The following PTK7 variants were observed in gnomAD, a reference collection of about 807,000 sequenced individuals.
PTK7 encodes protein tyrosine kinase 7 (inactive).
A neutral mutation model predicts 116.6 loss-of-function variants in PTK7; 39 were observed. The ratio of observed to expected loss-of-function variants is 0.33; its 90% confidence interval spans 0.26 to 0.44. The LOEUF (loss-of-function observed/expected upper bound fraction) is 0.44, where lower values mean the gene tolerates loss of function less well. Among genes scored for constraint, PTK7 ranks in the 20% least tolerant of loss-of-function variants. The probability of loss-of-function intolerance (pLI) is 1.00; values close to 1 mark genes in which losing one functional copy is unlikely to be tolerated. For synonymous variants in PTK7, 546 were observed against 563.6 expected, an observed-to-expected ratio of 0.97 and a Z score of 0.44; for missense variants, 1,169 against 1,425.6, an observed-to-expected ratio of 0.82 and a Z score of 2.90.
chr6:43,128,588 C>T (rs1460744565), intron 1 of PTK7, among the ~76,000 whole-genome samples: 1 of 152,240 alleles, frequency 6.6e-6, no homozygotes, highest in East Asian at 1.9e-4. Flanking sequence ...GGTTCGAGAC[C>T]AGCCTGGCCA....
chr6:43,108,280 A>T (rs1056173731), intron 1 of PTK7, among the ~76,000 whole-genome samples: 48 of 151,388 alleles, frequency 3.2e-4, no homozygotes, highest in African/African-American at 1.1e-3. Context: ...TTTTTAGTAG[A>T]GACGGGGTTT....
intron 1 of PTK7, among the ~76,000 whole-genome samples, chr6:43,118,655 CTCTCTATATATATATA>C (rs1219245538): frequency 1.4e-3 from 97 of 70,372 alleles, no homozygotes; most frequent in African/African-American, 3.1e-3. Context: ...CTCTCTCTCT[CTCTCTATATATATATA>C]TATATATATA....
intron 1 of PTK7, among the ~76,000 whole-genome samples, chr6:43,125,423 AG>A (rs1769231040): frequency 6.6e-6 from 1 of 152,140 alleles, no homozygotes; most frequent in Admixed American, 6.5e-5. Context: ...GGGGTGGCCG[AG>A]GCTGAGCTGG....
intron 1 of PTK7, among the ~76,000 whole-genome samples, chr6:43,093,581 C>G (rs1435446005): frequency 1.3e-5 from 2 of 152,020 alleles, no homozygotes; most frequent in African/African-American, 4.8e-5. Flanking sequence ...GTTTTCTTCC[C>G]CAGCAGCACA....
At chr6:43,123,741 G>T (rs182797039) in intron 1 of PTK7, among the ~76,000 whole-genome samples, 40 of 152,302 alleles carry the variant, frequency 2.6e-4, no homozygotes, top group African/African-American at 9.1e-4. Context: ...TGGGGTCGGC[G>T]CCTGGTGTGG....
chr6:43,134,836 A>G (rs940490743), intron 7 of PTK7, among the ~76,000 whole-genome samples: 4 of 151,906 alleles, frequency 2.6e-5, no homozygotes, highest in East Asian at 1.9e-4. Context: ...TATAATCCCA[A>G]CTATTTGGGA....
In PTK7 at chr6:43,143,916, T is replaced by C. The variant is rs910041271; in HGVS notation, c.2251+296T>C. On this transcript the variant is annotated intron_variant, in intron 14 of 19. Coordinates refer to ENST00000230419, the MANE Select transcript of PTK7 (RefSeq NM_002821.5). The surrounding 1 kb of genome is among the most constrained non-coding windows in gnomAD (Gnocchi z 4.2). ...GATATCATTAGTATATGTACACACGTTGCTGTTGCATGTCTTGTCTCCCTC... is the reference window on the plus strand; with the variant it reads ...GATATCATTAGTATATGTACACACGCTGCTGTTGCATGTCTTGTCTCCCTC... 2.0e-5 allele frequency among the ~76,000 whole-genome samples: 3 copies of C among 152,224 alleles called. No homozygotes were observed. Among genetic ancestry groups the C allele is most frequent in the Non-Finnish European group, 4.4e-5 (3 of 68,036 alleles).
At position 43,160,760 on chromosome 6, in the gene PTK7, G is replaced by A. The variant is rs1329254879; in HGVS notation, c.3092G>A (p.Gly1031Asp). The change falls in exon 20 of 20, where the codon GGC becomes GAC. Residue 1031 changes from glycine to aspartate, a missense_variant. Gly to Asp is a moderately conservative substitution (Grantham distance 94, BLOSUM62 -1). Coordinates refer to ENST00000230419, the MANE Select transcript of PTK7 (RefSeq NM_002821.5). ...AAGGCTAGACTTCCTCAGCCCGAGGGCTGCCCTTCCAAACTCTATCGGCTG... is the reference window on the plus strand; with the variant it reads ...AAGGCTAGACTTCCTCAGCCCGAGGACTGCCCTTCCAAACTCTATCGGCTG... Reference protein sequence around the residue: ...AGKARLPQPEGCPSKLYRLMQ... With the variant: ...AGKARLPQPEDCPSKLYRLMQ... 3 of 1,614,080 alleles carry A rather than the reference G, an allele frequency of 1.9e-6. No individual in the cohort carries two copies. The African/African-American group carries it at 4.0e-5, about 22-fold the overall frequency.
At chr6:43,080,481 C>T (rs1490243173) in intron 1 of PTK7, among the ~76,000 whole-genome samples, 1 of 151,998 alleles carries the variant, frequency 6.6e-6, no homozygotes, top group Non-Finnish European at 1.5e-5. Flanking sequence ...TTATCTTCCC[C>T]CAGTGTTTTT....
At chr6:43,151,253 C>G (rs1229245060) in intron 17 of PTK7, among the ~76,000 whole-genome samples, 1 of 151,424 alleles carries the variant, frequency 6.6e-6, no homozygotes, top group African/African-American at 2.4e-5. Context: ...CTCTGTCGCC[C>G]AAGCTGGAGT....
intron 1 of PTK7, among the ~76,000 whole-genome samples, chr6:43,082,449 T>A (rs1766432473): frequency 6.6e-6 from 1 of 152,196 alleles, no homozygotes; most frequent in African/African-American, 2.4e-5. Flanking sequence ...GTGCTGGGAT[T>A]ACAGGCGTGA....
intron 19 of PTK7, among the ~76,000 whole-genome samples, 182 bp downstream of exon 19, chr6:43,160,148 C>T (rs1771763321): frequency 6.6e-6 from 1 of 152,224 alleles, no homozygotes; most frequent in Admixed American, 6.5e-5. Context: ...CGGAGTGTCG[C>T]CCTGTCGCCC....
chr6:43,126,987 C>G (rs1769330043), intron 1 of PTK7, among the ~76,000 whole-genome samples: 1 of 152,192 alleles, frequency 6.6e-6, no homozygotes, highest in African/African-American at 2.4e-5. Flanking sequence ...GGAGACGGAC[C>G]AACACCAGGG....
At chr6:43,095,410 A>C (rs1321576225) in intron 1 of PTK7, among the ~76,000 whole-genome samples, 1 of 152,052 alleles carries the variant, frequency 6.6e-6, no homozygotes, top group South Asian at 2.1e-4. Context: ...CAACAAAAAA[A>C]CCCACAGTAG....
At position 43,129,057 on chromosome 6, in the gene PTK7, G is replaced by A; in HGVS notation, c.160G>A (p.Glu54Lys). The change falls in exon 2 of 20, where the codon GAG becomes AAG. Residue 54 changes from glutamate to lysine, a missense_variant. Glu to Lys is a moderately conservative substitution (Grantham distance 56). Around this residue, in one of 3 missense-constraint regions of PTK7, gnomAD observed 487 missense variants for 549.8 expected, o/e 0.89. Transcript: ENST00000230419. This position sits in a 1 kb window ranked among gnomAD's most constrained non-coding sequence, Gnocchi z 4.5. ...LQGRRALLRC[E>K]VEAPGPVHVY... ...GGGGCGCCGGGCGCTGCTTCGCTGTGAGGTTGAGGCTCCGGGCCCGGTACA... is the reference window on the plus strand; with the variant it reads ...GGGGCGCCGGGCGCTGCTTCGCTGTAAGGTTGAGGCTCCGGGCCCGGTACA... The A allele has an allele frequency of 6.2e-7, 1 of 1,614,228 alleles. No individual in the cohort carries two copies. Among genetic ancestry groups the A allele is most frequent in the South Asian group, 1.1e-5 (1 of 91,084 alleles).
At chr6:43,100,311 A>T (rs939608220) in intron 1 of PTK7, among the ~76,000 whole-genome samples, 2 of 151,590 alleles carry the variant, frequency 1.3e-5, no homozygotes, top group African/African-American at 4.8e-5. Flanking sequence ...TGAACCCAGG[A>T]GGCGGAGCCT....
chr6:43,124,983 A>T (rs1284800771), intron 1 of PTK7, among the ~76,000 whole-genome samples: 3 of 152,006 alleles, frequency 2.0e-5, no homozygotes, highest in Admixed American at 1.3e-4. Context: ...GACCAGCCTG[A>T]CCAACATGGA....
chr6:43,129,219 A>G lies in PTK7; in HGVS notation c.322A>G (p.Thr108Ala), dbSNP rs907366914. ...TFQCVARDDV[T>A]GEEARSANAS... ...CCAGTGTGTGGCTCGGGATGATGTC[A>G]CTGGAGAAGAAGCCCGCAGTGCCAA... The change falls in exon 2 of 20, where the codon ACT (threonine) becomes GCT (alanine). Residue 108 changes from threonine to alanine, a missense_variant. Transcript: ENST00000230419. The surrounding 1 kb of genome is among the most constrained non-coding windows in gnomAD (Gnocchi z 4.5). The G allele has an allele frequency of 1.2e-6, 2 of 1,614,074 alleles. No homozygotes were observed. Among genetic ancestry groups the G allele is most frequent in the African/African-American group, 1.3e-5 (1 of 75,034 alleles).
At chr6:43,082,166 A>G (rs2150369064) in intron 1 of PTK7, among the ~76,000 whole-genome samples, 1 of 151,982 alleles carries the variant, frequency 6.6e-6, no homozygotes, top group South Asian at 2.1e-4. Flanking sequence ...CAGAATCGCA[A>G]TCTGCAATTT....
Sources: gnomAD v4.1 joint callset for allele counts (sites outside exome capture counted in the v4.1 genomes callset) on GRCh38, gnomAD v4.1.1 for gene constraint, gnomAD v4.1.1 regional missense constraint, Gnocchi (gnomAD v3.1) non-coding constraint, MANE v1.5 for transcripts, NCBI Gene and HGNC (gene_info 2026-07-23, HGNC 2026-07-21) for gene names.